Variants in ATG13 observed in about 807,000 individuals in gnomAD.
ATG13 encodes the protein autophagy-related protein 13.
ATG13 carries 23 observed loss-of-function variants against 65.5 expected under a neutral mutation model. That is an observed-to-expected ratio of 0.35 (90% CI 0.25 to 0.50). ATG13 has a LOEUF of 0.50. Among genes scored for constraint, ATG13 ranks in the 20% least tolerant of loss-of-function variants. The pLI, the probability that ATG13 is intolerant of heterozygous loss-of-function variation, is 0.98. For missense variants in ATG13, 566 were observed against 677.0 expected (o/e 0.84, Z 1.82); for synonymous variants, 252 against 245.2 (o/e 1.03, Z -0.26).
intron 7 of ATG13, among the ~76,000 whole-genome samples, chr11:46,655,122 G>A (rs866574355): frequency 6.8e-6 from 1 of 147,194 alleles, no homozygotes; most frequent in Non-Finnish European, 1.5e-5. Flanking sequence ...AAACAGGTCC[G>A]GGCGCAGTGG....
intron 2 of ATG13, among the ~76,000 whole-genome samples, chr11:46,640,171 T>A (rs1301598421): frequency 6.6e-6 from 1 of 152,196 alleles, no homozygotes; most frequent in Non-Finnish European, 1.5e-5. Flanking sequence ...AACAAAAGTC[T>A]TATGATTCTA....
At chr11:46,656,180 G>A (rs1299977524) in intron 7 of ATG13, 53 bp from the exon 8 acceptor site, 2 of 1,535,140 alleles carry the variant, frequency 1.3e-6, no homozygotes, top group Non-Finnish European at 1.8e-6. Flanking sequence ...TGGCTATAGA[G>A]GCCCTTAGGA....
chr11:46,659,975 A>C (rs2060805969), intron 11 of ATG13: 1 of 153,388 alleles, frequency 6.5e-6, no homozygotes, highest in African/African-American at 2.4e-5. Context: ...TTAACCATTA[A>C]CTTTTCCACT....
chr11:46,659,294 T>C, intron 10 of ATG13, 98 bp from the exon 11 acceptor site: 1 of 938,420 alleles, frequency 1.1e-6, no homozygotes, highest in Non-Finnish European at 1.7e-6. Context: ...GAAACCGTTC[T>C]TAGCACAGGT....
intron 2 of ATG13, among the ~76,000 whole-genome samples, chr11:46,631,636 A>G (rs1454710850): frequency 6.6e-6 from 1 of 152,126 alleles, no homozygotes; most frequent in Non-Finnish European, 1.5e-5. Context: ...GGCTGAGGTG[A>G]GAGGATCGTT....
chr11:46,638,998 T>A, intron 2 of ATG13, among the ~76,000 whole-genome samples: 1 of 147,680 alleles, frequency 6.8e-6, no homozygotes, highest in East Asian at 2.0e-4. Flanking sequence ...ATTTATTTAT[T>A]TTTTTTTGAG....
chr11:46,634,674 TG>T (rs1349593439), intron 2 of ATG13, among the ~76,000 whole-genome samples: 1 of 145,126 alleles, frequency 6.9e-6, no homozygotes, highest in East Asian at 2.1e-4. Flanking sequence ...GGATTACAGG[TG>T]TGATCCACTG....
At chr11:46,633,118 G>A (rs1175980602) in intron 2 of ATG13, among the ~76,000 whole-genome samples, 4 of 146,048 alleles carry the variant, frequency 2.7e-5, no homozygotes, top group Non-Finnish European at 4.5e-5. Flanking sequence ...TCCTCCTCTC[G>A]GGTTCAAGCT....
At chr11:46,645,284 T>TA (rs1238037167) in intron 3 of ATG13, 55 bp from the exon 4 acceptor site, 6 of 1,504,044 alleles carry the variant, frequency 4.0e-6, no homozygotes, top group Non-Finnish European at 4.5e-6. Flanking sequence ...GGAGCCAGAT[T>TA]AGTCTAAGAC....
chr11:46,668,817 G>A lies in ATG13; in HGVS notation c.1353G>A (p.Glu451=), dbSNP rs761010800. 2.3e-5 allele frequency: 37 copies of A among 1,613,676 alleles called. No homozygotes were observed. Among genetic ancestry groups the A allele is most frequent in the Non-Finnish European group, 2.9e-5 (34 of 1,179,974 alleles). The change falls in exon 17 of 19, where the codon GAG becomes GAA. Residue 451 remains glutamate (E), a synonymous_variant. Coordinates refer to ENST00000683050, the MANE Select transcript of ATG13 (RefSeq NM_001346311.2). ...AGGTGAATCCTCCAGATTCCCCAGA[G>A]ACTGAATCTCCTCTCCAGGGCAGCC... ...DPMVNPPDSP[E]TESPLQGSLH... is the part of the protein sequence containing the mutation.
chr11:46,657,336 T>G, intron 9 of ATG13, 145 bp downstream of exon 9: 1 of 943,364 alleles, frequency 1.1e-6, no homozygotes, highest in Non-Finnish European at 1.6e-6. Flanking sequence ...GTTGCCAGAT[T>G]GGAGAATTTG....
chr11:46,668,591 G>C lies in ATG13; in HGVS notation c.1329+15G>C. On this transcript the variant is annotated intron_variant, in intron 16 of 18. Transcript: ENST00000683050. Reference sequence around the variant, plus strand: ...CCGATCCAATGGTGAGCCCACCGTTGACTACGAGTTCCCAGTAGATGGTGC... The same window carrying C: ...CCGATCCAATGGTGAGCCCACCGTTCACTACGAGTTCCCAGTAGATGGTGC... The C allele has an allele frequency of 1.2e-6, 2 of 1,611,578 alleles. No homozygotes were observed. The highest frequency in any genetic ancestry group is 1.7e-6 in the Non-Finnish European group (2 of 1,177,620).
chr11:46,670,588 C>G (rs577108888), intron 18 of ATG13, among the ~76,000 whole-genome samples: 9 of 152,102 alleles, frequency 5.9e-5, no homozygotes, highest in African/African-American at 2.2e-4. Context: ...GAGGCCTTCA[C>G]TTGAACTCAG....
At chr11:46,629,926 A>G (rs1280903077) in intron 1 of ATG13, 119 bp from the exon 2 acceptor site, 1 of 152,118 alleles carries the variant, frequency 6.6e-6, no homozygotes, top group Non-Finnish European at 1.5e-5. Context: ...TCCCAAAGAT[A>G]CTAAGTAACA....
chr11:46,654,283 T>TTATA (rs376147806), intron 7 of ATG13, among the ~76,000 whole-genome samples: 12,358 of 122,074 alleles, frequency 0.1, 726 homozygotes, highest in Middle Eastern at 0.14. Flanking sequence ...TTTTAAAATT[T>TTATA]TATATATATA....
At chr11:46,646,840 G>C (rs1043713388) in intron 5 of ATG13, among the ~76,000 whole-genome samples, 1 of 151,930 alleles carries the variant, frequency 6.6e-6, no homozygotes, top group African/African-American at 2.4e-5. Flanking sequence ...GCTCATTGCA[G>C]CCTCGACCTC....
At chr11:46,631,740 G>A (rs907115219) in intron 2 of ATG13, among the ~76,000 whole-genome samples, 2 of 152,106 alleles carry the variant, frequency 1.3e-5, no homozygotes, top group Non-Finnish European at 2.9e-5. Context: ...TTAGTTGGGT[G>A]TAGTGACATA....
At chr11:46,626,861 AACC>A in intron 1 of ATG13, among the ~76,000 whole-genome samples, 1 of 152,328 alleles carries the variant, frequency 6.6e-6, no homozygotes, top group East Asian at 1.9e-4. Context: ...CTCCCTTTGA[AACC>A]ACAGTGTTAG....
At chr11:46,656,151 A>T in intron 7 of ATG13, 82 bp from the exon 8 acceptor site, 1 of 1,264,652 alleles carries the variant, frequency 7.9e-7, no homozygotes, top group Non-Finnish European at 1.1e-6. Context: ...GCTTTGTTTT[A>T]TTTTGTTTCT....
Sources: allele counts gnomAD v4.1 joint callset (sites outside exome capture counted in the v4.1 genomes callset), GRCh38; gene constraint gnomAD v4.1.1; transcripts MANE v1.5; gene names NCBI Gene and HGNC (gene_info 2026-07-23, HGNC 2026-07-21).